TRAPPC3: variants seen among roughly 807,000 people sequenced by gnomAD.
The protein encoded by TRAPPC3 is trafficking protein particle complex subunit 3.
A neutral mutation model predicts 18.2 loss-of-function variants in TRAPPC3; 5 were observed. The ratio of observed to expected loss-of-function variants is 0.28; its 90% CI spans 0.14 to 0.58. The LOEUF is 0.58. Ranked by LOEUF, TRAPPC3 falls within the 20% of genes least tolerant of loss-of-function variation. TRAPPC3 has a pLI of 0.91. For synonymous variants in TRAPPC3, 65 were observed against 84.2 expected (o/e 0.77, Z 1.25); for missense variants, 176 against 225.9 (o/e 0.78, Z 1.41).
At chr1:36,150,415 G>A (rs1218084896), upstream of TRAPPC3, among the ~76,000 whole-genome samples, 2 of 152,228 alleles carry the variant, frequency 1.3e-5, no homozygotes, top group Non-Finnish European at 2.9e-5. Flanking sequence ...ACAGCTCTTT[G>A]GTTTCAGCTC....
intron 3 of TRAPPC3, chr1:36,138,244 A>C: frequency 6.5e-7 from 1 of 1,540,118 alleles, no homozygotes; most frequent in Non-Finnish European, 8.7e-7. Context: ...TAGGCATCAT[A>C]CAAGTAAGCA....
Position 36,137,904 on chromosome 1 carries a change from G to A in TRAPPC3, c.315C>T (p.Leu105=), listed in dbSNP as rs747682492. ...NWSPAGDEFS[L]ILENNPLVDF... ...CCACCAAGGGGTTATTTTCCAAAAT[G>A]AGGGAGAATTCATCACCAGCTGGGC... Residue 105 remains leucine (L), a synonymous_variant, in exon 4 of 5, where the codon CTC becomes CTT. Transcript: ENST00000373166. The A allele has an allele frequency of 6.2e-7, 1 of 1,614,204 alleles. No homozygotes were observed. Among genetic ancestry groups the A allele is most frequent in the South Asian group, 1.1e-5 (1 of 91,088 alleles).
intron 3 of TRAPPC3, among the ~76,000 whole-genome samples, chr1:36,138,615 AC>A (rs1644060539): frequency 6.6e-6 from 1 of 152,216 alleles, no homozygotes; most frequent in Admixed American, 6.5e-5. Context: ...GTAATAGTAA[AC>A]ATTTACTATA....
upstream of TRAPPC3, among the ~76,000 whole-genome samples, chr1:36,150,726 C>G (rs1644262845): frequency 1.3e-5 from 2 of 152,242 alleles, no homozygotes; most frequent in South Asian, 4.1e-4. Flanking sequence ...ACCCCTCACT[C>G]TCCATCCTGT....
At chr1:36,155,615 G>C (rs1381277314) in intron 1 of TRAPPC3, 1 of 152,998 alleles carries the variant, frequency 6.5e-6, no homozygotes, top group South Asian at 2.1e-4. Context: ...CGGCAGCAAG[G>C]CTCCCAGACC....
chr1:36,139,824 G>A lies in TRAPPC3; in HGVS notation c.141-5C>T. The A allele has an allele frequency of 6.2e-7, 1 of 1,614,110 alleles. No homozygotes were observed. The highest frequency in any genetic ancestry group is 8.5e-7 in the Non-Finnish European group (1 of 1,180,020). On this transcript the variant is annotated splice_polypyrimidine_tract_variant and splice_region_variant and intron_variant, in intron 2 of 4. Transcript: ENST00000373166. ...CGGACTCCAATGTTAAAGCCCCTGG[G>A]AAGGAAGTTAGAGAAGAGACTATGA... is the stretch of plus-strand genomic sequence containing the variant.
rs1644082368 is a variant in TRAPPC3 at position 36,139,884 on chromosome 1, T to G, written c.141-65A>C. On this transcript the variant is annotated intron_variant, in intron 2 of 4. Coordinates refer to ENST00000373166, the MANE Select transcript of TRAPPC3 (RefSeq NM_014408.5). The stretch of plus-strand genomic sequence containing the variant: ...AATGTCTTATGTTTGAACATAAGGT[T>G]GTTGGTGGTAAAGGGAAAATGGGGA... The G allele has an allele frequency of 2.5e-6, 4 of 1,591,744 alleles. No homozygotes were observed. In the South Asian group the frequency reaches 4.5e-5, roughly 18 times the overall value.
intron 3 of TRAPPC3, 199 bp from the exon 4 acceptor site, chr1:36,138,177 T>C (rs752447999): frequency 4.1e-5 from 64 of 1,550,762 alleles, no homozygotes; most frequent in South Asian, 4.8e-5. Context: ...CACGGCATCA[T>C]ACAGTTTTGC....
chr1:36,142,862 T>C lies in TRAPPC3; in HGVS notation c.43-2696A>G, dbSNP rs115833847. Among the ~76,000 whole-genome samples the C allele has an allele frequency of 2.3e-3, 342 of 151,026 alleles. 1 individual carries two copies. The highest frequency in any genetic ancestry group is 8.0e-3 in the African/African-American group (324 of 40,430). On this transcript the variant is annotated intron_variant, in intron 1 of 4. Coordinates refer to ENST00000373166, the MANE Select transcript of TRAPPC3 (RefSeq NM_014408.5). The stretch of plus-strand genomic sequence containing the variant: ...CTGGGCAAACACTGAGACCCCCAAC[T>C]TTACAAAAAAATTTTAAAAATCAGC...
At chr1:36,146,539 C>T (rs978217723) in intron 1 of TRAPPC3, among the ~76,000 whole-genome samples, 7 of 149,546 alleles carry the variant, frequency 4.7e-5, no homozygotes, top group African/African-American at 1.7e-4. Flanking sequence ...CCGCCTTGGC[C>T]TCCCAAAGTG....
intron 1 of TRAPPC3, chr1:36,140,417 C>A: frequency 2.9e-6 from 1 of 341,950 alleles, no homozygotes. Context: ...TCCAACACAC[C>A]AAGGTAGGCT....
rs1644248873 is a variant in TRAPPC3 at position 36,149,386 on chromosome 1, G to A, written c.-8C>T. ...GTTCGCCTGCCTCGACATGGTGCCGGCCGCCCCGCCCCACTCGCCTAGCCA... is the reference window on the plus strand; with the variant it reads ...GTTCGCCTGCCTCGACATGGTGCCGACCGCCCCGCCCCACTCGCCTAGCCA... On this transcript the variant is annotated 5_prime_UTR_variant, in exon 1 of 5. Transcript: ENST00000373166. 9 of 1,612,464 alleles carry A rather than the reference G, an allele frequency of 5.6e-6. No homozygotes were observed. Among genetic ancestry groups the A allele is most frequent in the Non-Finnish European group, 6.8e-6 (8 of 1,179,682 alleles).
Position 36,138,622 on chromosome 1 carries a change from C to A in TRAPPC3, c.241-644G>T, listed in dbSNP as rs568108877. On this transcript the variant is annotated intron_variant, in intron 3 of 4. Coordinates refer to ENST00000373166, the MANE Select transcript of TRAPPC3 (RefSeq NM_014408.5). The stretch of plus-strand genomic sequence containing the variant: ...TAATACTAGTAATAGTAAACATTTA[C>A]TATATGCACAACACTATGCTAAACA... 2.6e-5 allele frequency among the ~76,000 whole-genome samples: 4 copies of A among 152,280 alleles called. No individual in the cohort carries two copies. In the Middle Eastern group the frequency reaches 0.01, roughly 388 times the overall value.
intron 1 of TRAPPC3, among the ~76,000 whole-genome samples, chr1:36,143,389 A>T (rs1278263437): frequency 6.6e-6 from 1 of 152,222 alleles, no homozygotes; most frequent in Admixed American, 6.5e-5. Context: ...CCTGAGGTAC[A>T]AGTATGCCTG....
upstream of TRAPPC3, among the ~76,000 whole-genome samples, chr1:36,151,243 C>T (rs1044605327): frequency 2.6e-5 from 4 of 152,060 alleles, no homozygotes; most frequent in African/African-American, 9.7e-5. Context: ...GCTTCTTAGG[C>T]CGAGCACAGT....
intron 3 of TRAPPC3, chr1:36,139,509 G>T: frequency 1.6e-6 from 1 of 616,940 alleles, no homozygotes; most frequent in Non-Finnish European, 2.7e-6. Flanking sequence ...CAGTGGAAAA[G>T]CTCAGGCTTT....
At chr1:36,147,853 G>A (rs1644224479) in intron 1 of TRAPPC3, among the ~76,000 whole-genome samples, 3 of 152,092 alleles carry the variant, frequency 2.0e-5, no homozygotes, top group African/African-American at 2.4e-5. Flanking sequence ...TCACTGAAAC[G>A]AAGAATACTG....
chr1:36,155,650 G>A (rs375244173), intron 1 of TRAPPC3: 2 of 152,544 alleles, frequency 1.3e-5, no homozygotes, highest in Non-Finnish European at 2.9e-5. Context: ...CCATCAGCAG[G>A]GGAGAGAAAG....
At chr1:36,154,744 A>AC (rs1644302467) in intron 1 of TRAPPC3, among the ~76,000 whole-genome samples, 1 of 152,084 alleles carries the variant, frequency 6.6e-6, no homozygotes, top group African/African-American at 2.4e-5. Context: ...CTTTACAAAG[A>AC]CCCCAAGATA....
Sources: gnomAD v4.1 joint callset for allele counts (sites outside exome capture counted in the v4.1 genomes callset) on GRCh38, gnomAD v4.1.1 for gene constraint, MANE v1.5 for transcripts, NCBI Gene and HGNC (gene_info 2026-07-23, HGNC 2026-07-21) for gene names.